Variants in GRID2 observed in about 807,000 individuals in gnomAD.
The protein encoded by GRID2 is glutamate ionotropic receptor delta type subunit 2.
A neutral mutation model predicts 114.8 loss-of-function variants in GRID2; 33 were observed. The observed-to-expected ratio is 0.29, with a 90% confidence interval of 0.22 to 0.38. The LOEUF is 0.38. Among genes scored for constraint, GRID2 ranks in the 10% least tolerant of loss-of-function variants. The pLI is 1.00. For missense variants in GRID2, 1,184 were observed against 1,257.7 expected (o/e 0.94, Z 0.89); for synonymous variants, 505 against 449.9 (o/e 1.12, Z -1.55).
intron 4 of GRID2, among the ~76,000 whole-genome samples, chr4:93,113,314 T>C (rs1207104872): frequency 5.3e-5 from 8 of 152,140 alleles, no homozygotes; most frequent in Non-Finnish European, 8.8e-5. Flanking sequence ...ATAAGAAAAC[T>C]GAGGTGTACA....
At chr4:93,148,375 A>T (rs1188267078) in intron 4 of GRID2, among the ~76,000 whole-genome samples, 6 of 152,152 alleles carry the variant, frequency 3.9e-5, no homozygotes, top group Non-Finnish European at 8.8e-5. Flanking sequence ...AGAGTGGCAG[A>T]ACATAGCCCA....
At chr4:92,306,279 G>A (rs1468466942) in intron 1 of GRID2, among the ~76,000 whole-genome samples, 1 of 152,214 alleles carries the variant, frequency 6.6e-6, no homozygotes, top group African/African-American at 2.4e-5. Context: ...AGAAAACCTA[G>A]CGTTTGTGCA....
At chr4:92,857,620 T>C (rs993613687) in intron 2 of GRID2, among the ~76,000 whole-genome samples, 1 of 152,174 alleles carries the variant, frequency 6.6e-6, no homozygotes, top group Non-Finnish European at 1.5e-5. Context: ...GGTTGGCTCC[T>C]GAGGTTCACA....
chr4:92,556,900 G>A (rs1466367094), intron 1 of GRID2, among the ~76,000 whole-genome samples: 3 of 152,130 alleles, frequency 2.0e-5, no homozygotes, highest in Admixed American at 6.6e-5. Context: ...ATACTGGGAG[G>A]TGGAATCATG....
chr4:92,542,809 C>T (rs1041409458), intron 1 of GRID2, among the ~76,000 whole-genome samples: 18 of 151,738 alleles, frequency 1.2e-4, no homozygotes. Flanking sequence ...GCTAAGATGG[C>T]ATAAATATTA....
chr4:93,762,999 C>A (rs1341093920), intron 14 of GRID2, among the ~76,000 whole-genome samples: 1 of 152,032 alleles, frequency 6.6e-6, no homozygotes, highest in African/African-American at 2.4e-5. Context: ...CAGGGAGGAG[C>A]CCATAAGCCC....
At chr4:92,533,352 C>T (rs560858714) in intron 1 of GRID2, among the ~76,000 whole-genome samples, 37 of 151,616 alleles carry the variant, frequency 2.4e-4, no homozygotes, top group Middle Eastern at 3.4e-3. Context: ...TAGCTTTTGT[C>T]CAAGAAAAAA....
At chr4:93,594,809 C>G (rs986613511) in intron 13 of GRID2, among the ~76,000 whole-genome samples, 12 of 151,984 alleles carry the variant, frequency 7.9e-5, no homozygotes, top group Admixed American at 2.0e-4. Context: ...GGGAGTGACC[C>G]GATTTTCCAG....
At chr4:93,064,613 A>G (rs1030771507) in intron 2 of GRID2, among the ~76,000 whole-genome samples, 1 of 151,864 alleles carries the variant, frequency 6.6e-6, no homozygotes, top group Non-Finnish European at 1.5e-5. Flanking sequence ...TCATCAAGGT[A>G]GAAAGCATCC....
intron 8 of GRID2, among the ~76,000 whole-genome samples, chr4:93,279,097 C>T (rs1752377495): frequency 6.6e-6 from 1 of 151,718 alleles, no homozygotes; most frequent in African/African-American, 2.4e-5. Context: ...TATTTGATTA[C>T]CCTTTTAAAG....
intron 13 of GRID2, among the ~76,000 whole-genome samples, chr4:93,605,858 T>C (rs962489156): frequency 3.9e-5 from 6 of 152,050 alleles, no homozygotes; most frequent in African/African-American, 1.4e-4. Flanking sequence ...TGCGATAGGA[T>C]CATATAAGGG....
rs1553916864 is a variant in GRID2, at chr4:92,688,037, C to CCTTTTTTTTTTT, written c.244+97751_244+97752insCTTTTTTTTTTT. Among the ~76,000 whole-genome samples, 197 of 44,636 alleles carry CCTTTTTTTTTTT rather than the reference C, an allele frequency of 4.4e-3. 11 individuals carry two copies. Among genetic ancestry groups the CCTTTTTTTTTTT allele is most frequent in the East Asian group, 0.013 (24 of 1,886 alleles). The allele number at this position is 44,636 out of a possible 152,430, so 29.3% of individuals were successfully genotyped here. On this transcript the variant is annotated intron_variant, in intron 2 of 15. Coordinates refer to ENST00000282020, the MANE Select transcript of GRID2 (RefSeq NM_001510.4). ...GCCACATTGGTTGACCCTTCTTCTTCTTTTTTTTTTTTTTTTTTTTTTTTT... is the reference window on the plus strand; with the variant it reads ...GCCACATTGGTTGACCCTTCTTCTTCCTTTTTTTTTTTTTTTTTTTTTTTTTTTTTTTTTTTT...
chr4:93,767,168 G>A (rs979743523), intron 14 of GRID2, among the ~76,000 whole-genome samples: 5 of 152,162 alleles, frequency 3.3e-5, no homozygotes, highest in Non-Finnish European at 7.3e-5. Context: ...GGGAAATGCT[G>A]AGTTAAACAA....
intron 1 of GRID2, among the ~76,000 whole-genome samples, chr4:92,332,327 C>T (rs74384128): frequency 6.6e-6 from 1 of 152,154 alleles, no homozygotes; most frequent in East Asian, 1.9e-4. Context: ...CTCACAGCCT[C>T]AAGCCCCCTC....
intron 2 of GRID2, among the ~76,000 whole-genome samples, chr4:92,890,176 T>A (rs1746659140): frequency 6.6e-6 from 1 of 152,140 alleles, no homozygotes; most frequent in South Asian, 2.1e-4. Context: ...GAAGAAAACC[T>A]GGGCAATATC....
At chr4:92,457,947 A>G (rs1432721056) in intron 1 of GRID2, among the ~76,000 whole-genome samples, 1 of 152,166 alleles carries the variant, frequency 6.6e-6, no homozygotes, top group Non-Finnish European at 1.5e-5. Flanking sequence ...TTTTTTGCAA[A>G]TAATTTCAGC....
intron 2 of GRID2, among the ~76,000 whole-genome samples, chr4:92,923,209 C>G (rs915001431): frequency 1.3e-5 from 2 of 152,076 alleles, no homozygotes; most frequent in Admixed American, 6.6e-5. Context: ...GAAAGGATAA[C>G]TGTCAGGAAA....
chr4:92,974,727 C>T (rs1029064488), intron 2 of GRID2, among the ~76,000 whole-genome samples: 2 of 151,832 alleles, frequency 1.3e-5, no homozygotes, highest in Non-Finnish European at 2.9e-5. Flanking sequence ...GGAGAAATAC[C>T]TAATGCAGGT....
At chr4:93,340,901 C>T (rs1486316467) in intron 8 of GRID2, among the ~76,000 whole-genome samples, 1 of 152,044 alleles carries the variant, frequency 6.6e-6, no homozygotes, top group African/African-American at 2.4e-5. Context: ...GTGCTTAGGC[C>T]CATCTTTTAC....
Sources: allele counts gnomAD v4.1 joint callset (sites outside exome capture counted in the v4.1 genomes callset), GRCh38; gene constraint gnomAD v4.1.1; transcripts MANE v1.5; gene names NCBI Gene and HGNC (gene_info 2026-07-23, HGNC 2026-07-21).